The following RBFOX1 variants were observed in gnomAD, a reference collection of about 807,000 sequenced individuals.
RBFOX1 encodes RNA binding fox-1 homolog 1.
In RBFOX1, 8 loss-of-function variants were observed where a neutral mutation model predicts 57.7. The ratio of observed to expected loss-of-function variants is 0.14; its 90% CI spans 0.08 to 0.25. The LOEUF is 0.25. Among genes scored for constraint, RBFOX1 ranks in the 10% least tolerant of loss-of-function variants. The pLI, the probability that RBFOX1 is intolerant of heterozygous loss-of-function variation, is 1.00. For synonymous variants in RBFOX1, 326 were observed against 222.4 expected (o/e 1.47, Z -4.15); for missense variants, 611 against 548.5 (o/e 1.11, Z -1.14).
chr16:7,295,007 ATC>A (rs1171080201), intron 4 of RBFOX1, among the ~76,000 whole-genome samples: 14 of 152,206 alleles, frequency 9.2e-5, no homozygotes, highest in Non-Finnish European at 1.8e-4. Flanking sequence ...TTTTGTGAAG[ATC>A]AGAAAAAAAT....
intron 2 of RBFOX1, among the ~76,000 whole-genome samples, chr16:5,547,589 C>T (rs2045264277): frequency 6.6e-6 from 1 of 152,034 alleles, no homozygotes; most frequent in Non-Finnish European, 1.5e-5. Context: ...TCATTTGTTG[C>T]CTGTTGACAA....
chr16:6,564,951 G>C (rs532576933), intron 2 of RBFOX1, among the ~76,000 whole-genome samples: 30 of 152,064 alleles, frequency 2.0e-4, no homozygotes, highest in African/African-American at 7.2e-4. Context: ...GATCAGCTTG[G>C]CCAACATGGT....
At chr16:7,156,999 T>C (rs964262168) in intron 4 of RBFOX1, among the ~76,000 whole-genome samples, 1 of 152,230 alleles carries the variant, frequency 6.6e-6, no homozygotes, top group Non-Finnish European at 1.5e-5. Context: ...ACATACATCC[T>C]CTGCTGTCAG....
intron 4 of RBFOX1, among the ~76,000 whole-genome samples, chr16:5,872,670 A>AGGTTGC (rs1326597973): frequency 6.6e-6 from 1 of 152,048 alleles, no homozygotes; most frequent in Non-Finnish European, 1.5e-5. Context: ...CAGGAGGTTG[A>AGGTTGC]GGTTGCAGTG....
At chr16:6,693,373 A>G (rs1468715717) in intron 3 of RBFOX1, among the ~76,000 whole-genome samples, 1 of 142,904 alleles carries the variant, frequency 7.0e-6, no homozygotes, top group Non-Finnish European at 1.5e-5. Context: ...CATCAACATC[A>G]TCCTACTCCA....
chr16:7,203,433 A>G (rs1567691859), intron 4 of RBFOX1, among the ~76,000 whole-genome samples: 1 of 152,226 alleles, frequency 6.6e-6, no homozygotes, highest in Admixed American at 6.5e-5. Context: ...CAGTATTACA[A>G]GACAAAAAGA....
chr16:6,648,360 T>C, intron 2 of RBFOX1, among the ~76,000 whole-genome samples: 1 of 149,806 alleles, frequency 6.7e-6, no homozygotes, highest in South Asian at 2.1e-4. Flanking sequence ...TTTAACTGGC[T>C]CCCAGGGGCA....
chr16:5,985,272 A>C (rs372882014), intron 4 of RBFOX1, among the ~76,000 whole-genome samples: 1 of 151,774 alleles, frequency 6.6e-6, no homozygotes, highest in Non-Finnish European at 1.5e-5. Context: ...GATTACAGGC[A>C]TGAGTCATCA....
chr16:5,821,312 T>C (rs2055851311), intron 3 of RBFOX1, among the ~76,000 whole-genome samples: 1 of 149,672 alleles, frequency 6.7e-6, no homozygotes, highest in Admixed American at 6.6e-5. Context: ...TTTTTTTTTT[T>C]TGAGACGGAG....
intron 3 of RBFOX1, among the ~76,000 whole-genome samples, chr16:5,694,662 TG>T (rs1327692643): frequency 6.6e-6 from 1 of 152,062 alleles, no homozygotes; most frequent in African/African-American, 2.4e-5. Flanking sequence ...CTCAGTCAAT[TG>T]TTTCAAATGA....
chr16:5,786,409 G>T (rs1319776336), intron 3 of RBFOX1, among the ~76,000 whole-genome samples: 3 of 151,990 alleles, frequency 2.0e-5, no homozygotes, highest in African/African-American at 7.3e-5. Context: ...GCTTCTTGGT[G>T]TGTCTCTACC....
At chr16:6,941,502 C>G (rs1378060134) in intron 3 of RBFOX1, among the ~76,000 whole-genome samples, 1 of 151,916 alleles carries the variant, frequency 6.6e-6, no homozygotes, top group Admixed American at 6.6e-5. Flanking sequence ...ATTCTTTCTT[C>G]CCAGTAAGGG....
intron 2 of RBFOX1, among the ~76,000 whole-genome samples, chr16:5,492,268 C>T (rs1014858563): frequency 6.6e-6 from 1 of 152,198 alleles, no homozygotes; most frequent in East Asian, 1.9e-4. Context: ...GTCACAGGTA[C>T]CTGTTTTTCC....
intron 2 of RBFOX1, among the ~76,000 whole-genome samples, chr16:6,342,951 G>A (rs190200528): frequency 8.5e-5 from 13 of 152,090 alleles, no homozygotes; most frequent in African/African-American, 2.9e-4. Context: ...AACTTCTGTC[G>A]CTTTATATTT....
chr16:6,983,839 G>A (rs1051201870), intron 3 of RBFOX1: 1 of 152,454 alleles, frequency 6.6e-6, no homozygotes, highest in Non-Finnish European at 1.5e-5. Flanking sequence ...CATTAGGCTG[G>A]GAGGCCCATG....
At chr16:7,110,495 G>A (rs1346096097) in intron 4 of RBFOX1, among the ~76,000 whole-genome samples, 1 of 152,172 alleles carries the variant, frequency 6.6e-6, no homozygotes, top group African/African-American at 2.4e-5. Context: ...CTTAAGGAGA[G>A]CCTGAGCACA....
At chr16:6,885,384 A>G (rs550727125) in intron 3 of RBFOX1, among the ~76,000 whole-genome samples, 17 of 152,216 alleles carry the variant, frequency 1.1e-4, no homozygotes, top group Non-Finnish European at 2.4e-4. Flanking sequence ...AAGCATGCTC[A>G]TGAGTCAAAA....
At chr16:7,707,949 G>C (rs1202000737) in intron 14 of RBFOX1, among the ~76,000 whole-genome samples, 1 of 152,164 alleles carries the variant, frequency 6.6e-6, no homozygotes, top group Non-Finnish European at 1.5e-5. Context: ...TCAGTATTAA[G>C]ATAGCAGCAT....
intron 2 of RBFOX1, among the ~76,000 whole-genome samples, chr16:6,529,728 C>T (rs567966427): frequency 2.2e-4 from 34 of 152,064 alleles, no homozygotes; most frequent in Non-Finnish European, 2.6e-4. Flanking sequence ...CTCCACAACA[C>T]GTACGGAAGA....
Sources: gnomAD v4.1 joint callset for allele counts (sites outside exome capture counted in the v4.1 genomes callset) on GRCh38, gnomAD v4.1.1 for gene constraint, MANE v1.5 for transcripts, NCBI Gene and HGNC (gene_info 2026-07-23, HGNC 2026-07-21) for gene names.